Variants in VPS37B observed in about 807,000 individuals in gnomAD.
VPS37B encodes the protein VPS37B subunit of ESCRT-I.
In VPS37B, 11 loss-of-function variants were observed where a neutral mutation model predicts 21.2. That is an observed-to-expected ratio of 0.52 (90% CI 0.33 to 0.86). VPS37B has a LOEUF of 0.86. Ranked by LOEUF, VPS37B falls within the 40% of genes least tolerant of loss-of-function variation. The pLI, the probability that VPS37B is intolerant of heterozygous loss-of-function variation, is 0.03. For missense variants in VPS37B, 389 were observed against 374.8 expected (o/e 1.04, Z -0.31); for synonymous variants, 175 against 159.6 (o/e 1.10, Z -0.73).
At chr12:122,870,231 A>C (rs932537280) in intron 2 of VPS37B, 2 of 152,270 alleles carry the variant, frequency 1.3e-5, no homozygotes, top group Non-Finnish European at 2.9e-5. Flanking sequence ...GCTTCCTCCT[A>C]ATCTCCAGCC....
Position 122,868,379 on chromosome 12 carries a change from C to T in VPS37B, c.366+101G>A, listed in dbSNP as rs77133480. The T allele has an allele frequency of 9.0e-7, 1 of 1,117,164 alleles. No homozygotes were observed. The highest frequency in any genetic ancestry group is 2.0e-5 in the Admixed American group (1 of 49,720). The allele number at this position is 1,117,164 out of a possible 1,614,324, so 69.2% of individuals were successfully genotyped here. Reference sequence around the variant, plus strand: ...CAGCCCGTACACCTGGGAGGCACCACTCCTGGCCGTGGCGGTGTGGCACTC... The same window carrying T: ...CAGCCCGTACACCTGGGAGGCACCATTCCTGGCCGTGGCGGTGTGGCACTC... On this transcript the variant is annotated intron_variant, in intron 3 of 3. Transcript: ENST00000267202. The surrounding 1 kb of genome is among the most constrained non-coding windows in gnomAD (Gnocchi z 5.5).
At position 122,867,104 on chromosome 12, in the gene VPS37B, C is replaced by T; in HGVS notation, c.*12G>A. On this transcript the variant is annotated 3_prime_UTR_variant, in exon 4 of 4. Coordinates refer to ENST00000267202, the MANE Select transcript of VPS37B (RefSeq NM_024667.3). The surrounding 1 kb of genome is among the most constrained non-coding windows in gnomAD (Gnocchi z 5.5). ...GGTGGAAGAAGTCTCCCGGGAAGGA[C>T]CGCGCCGGCGCTCACTGGAGGATGA... The T allele has an allele frequency of 1.3e-6, 2 of 1,512,482 alleles. No homozygotes were observed. The highest frequency in any genetic ancestry group is 1.8e-6 in the Non-Finnish European group (2 of 1,135,886). 93.7% of individuals were successfully genotyped at this position (1,512,482 alleles called of 1,614,324 possible).
In VPS37B at chr12:122,867,064, G is replaced by A. The variant is rs2033915275; in HGVS notation, c.*52C>T. On this transcript the variant is annotated 3_prime_UTR_variant, in exon 4 of 4. Coordinates refer to ENST00000267202, the MANE Select transcript of VPS37B (RefSeq NM_024667.3). This position sits in a 1 kb window ranked among gnomAD's most constrained non-coding sequence, Gnocchi z 5.5. ...ACCTCCAGCCTCCTTCCCGTGAGCA[G>A]AGCACAACACGCCAGGTGGAAGAAG... 1 of 1,473,130 alleles carries A rather than the reference G, an allele frequency of 6.8e-7. No individual in the cohort carries two copies. Among genetic ancestry groups the A allele is most frequent in the Admixed American group, 2.8e-5 (1 of 36,194 alleles). 91.3% of individuals were successfully genotyped at this position (1,473,130 alleles called of 1,614,324 possible).
intron 1 of VPS37B, among the ~76,000 whole-genome samples, chr12:122,895,302 G>A (rs1229045113): frequency 1.3e-5 from 2 of 151,788 alleles, no homozygotes; most frequent in African/African-American, 4.8e-5. Flanking sequence ...TCTCCTAAGA[G>A]TCCTATTTGG....
intron 1 of VPS37B, among the ~76,000 whole-genome samples, chr12:122,895,132 G>A (rs907805305): frequency 2.0e-5 from 3 of 151,934 alleles, no homozygotes; most frequent in African/African-American, 7.3e-5. Context: ...TAGATACATG[G>A]AACCTTCAAA....
At chr12:122,869,781 C>T (rs2033986331) in intron 2 of VPS37B, among the ~76,000 whole-genome samples, 1 of 151,800 alleles carries the variant, frequency 6.6e-6, no homozygotes, top group Non-Finnish European at 1.5e-5. Flanking sequence ...CTCGCTCTGT[C>T]GCCCAGGCTG....
chr12:122,894,802 G>A (rs1356661215), intron 1 of VPS37B, among the ~76,000 whole-genome samples: 1 of 152,210 alleles, frequency 6.6e-6, no homozygotes, highest in Non-Finnish European at 1.5e-5. Flanking sequence ...AAGATAACCA[G>A]AAACAGGAGC....
intron 1 of VPS37B, chr12:122,873,573 C>T (rs1233437993): frequency 6.6e-6 from 1 of 152,188 alleles, no homozygotes; most frequent in Non-Finnish European, 1.5e-5. Context: ...AGTGCTCCCA[C>T]CCTCAAATAA....
chr12:122,868,398 G>A lies in VPS37B; in HGVS notation c.366+82C>T. On this transcript the variant is annotated intron_variant, in intron 3 of 3. Transcript: ENST00000267202. The surrounding 1 kb of genome is among the most constrained non-coding windows in gnomAD (Gnocchi z 5.5). ...GCACCACTCCTGGCCGTGGCGGTGT[G>A]GCACTCACGGTCCCTGGAGGCAGCG... 7.7e-7 allele frequency: 1 copy of A among 1,305,252 alleles called. No individual in the cohort carries two copies. The highest frequency in any genetic ancestry group is 1.1e-6 in the Non-Finnish European group (1 of 920,254). The allele number at this position is 1,305,252 out of a possible 1,614,324, so 80.9% of individuals were successfully genotyped here. A position where few individuals can be genotyped will look rare whatever the true frequency, so the allele number is the denominator to read the frequency against.
chr12:122,876,208 G>A (rs548940073), intron 1 of VPS37B: 12 of 152,304 alleles, frequency 7.9e-5, no homozygotes, highest in Non-Finnish European at 1.0e-4. Context: ...GCAGCAGCCC[G>A]AGTGGTATGA....
At chr12:122,894,050 A>G (rs1442479675) in intron 1 of VPS37B, among the ~76,000 whole-genome samples, 2 of 152,240 alleles carry the variant, frequency 1.3e-5, no homozygotes, top group Non-Finnish European at 2.9e-5. Context: ...ACTGCAACAG[A>G]ATAGTCACAT....
chr12:122,868,414 G>A lies in VPS37B; in HGVS notation c.366+66C>T. On this transcript the variant is annotated intron_variant, in intron 3 of 3. Transcript: ENST00000267202. This position sits in a 1 kb window ranked among gnomAD's most constrained non-coding sequence, Gnocchi z 5.5. ...TGGCGGTGTGGCACTCACGGTCCCT[G>A]GAGGCAGCGGGCCCACGGACTGCCC... 2 of 1,470,214 alleles carry A rather than the reference G, an allele frequency of 1.4e-6. No homozygotes were observed. The highest frequency in any genetic ancestry group is 1.2e-5 in the South Asian group (1 of 84,592). The allele number at this position is 1,470,214 out of a possible 1,614,324, so 91.1% of individuals were successfully genotyped here.
chr12:122,871,601 G>T, intron 1 of VPS37B: 1 of 985,624 alleles, frequency 1.0e-6, no homozygotes, highest in Non-Finnish European at 1.2e-6. Context: ...TCTCTCCCAT[G>T]CCCACCCCAG....
intron 1 of VPS37B, chr12:122,884,979 A>G (rs1040946057): frequency 6.6e-6 from 1 of 152,214 alleles, no homozygotes; most frequent in African/African-American, 2.4e-5. Flanking sequence ...CATGACATGA[A>G]CTTTCCAACA....
At chr12:122,882,729 T>G (rs925852010) in intron 1 of VPS37B, 1 of 152,216 alleles carries the variant, frequency 6.6e-6, no homozygotes, top group Admixed American at 6.5e-5. Context: ...CAATTTGAGT[T>G]TGAGCTTTAC....
chr12:122,885,279 T>G (rs1174337976), intron 1 of VPS37B: 1 of 152,120 alleles, frequency 6.6e-6, no homozygotes, highest in East Asian at 1.9e-4. Context: ...AGTTAAATGT[T>G]GATCACTTTA....
At chr12:122,880,038 C>A (rs1038748513) in intron 1 of VPS37B, 1 of 152,046 alleles carries the variant, frequency 6.6e-6, no homozygotes, top group Non-Finnish European at 1.5e-5. Flanking sequence ...CACTTGAACC[C>A]AGGAGTCAGA....
At chr12:122,894,862 G>A (rs959388170) in intron 1 of VPS37B, among the ~76,000 whole-genome samples, 39 of 152,278 alleles carry the variant, frequency 2.6e-4, no homozygotes, top group African/African-American at 8.7e-4. Context: ...CAGAGGTGAG[G>A]GTTGGCAGCC....
chr12:122,891,364 A>T (rs1319333457), intron 1 of VPS37B, among the ~76,000 whole-genome samples: 3 of 152,244 alleles, frequency 2.0e-5, no homozygotes, highest in African/African-American at 7.2e-5. Context: ...ATTTAGCCTT[A>T]CAAGTACTCT....
Sources: allele counts gnomAD v4.1 joint callset (sites outside exome capture counted in the v4.1 genomes callset), GRCh38; gene constraint gnomAD v4.1.1; non-coding constraint Gnocchi (gnomAD v3.1); transcripts MANE v1.5; gene names NCBI Gene and HGNC (gene_info 2026-07-23, HGNC 2026-07-21).